DCUN1D3: variants seen among roughly 807,000 people sequenced by gnomAD.
The protein encoded by DCUN1D3 is defective in cullin neddylation 1 domain containing 3.
DCUN1D3 carries 6 observed loss-of-function variants against 24.8 expected under a neutral mutation model. That is an observed-to-expected ratio of 0.24 (90% CI 0.13 to 0.48). The LOEUF (loss-of-function observed/expected upper bound fraction) is 0.48. Among genes scored for constraint, DCUN1D3 ranks in the 20% least tolerant of loss-of-function variants. The pLI is 0.99. For synonymous variants in DCUN1D3, 120 were observed against 144.9 expected (o/e 0.83, Z 1.24); for missense variants, 258 against 379.4 (o/e 0.68, Z 2.66).
chr16:20,860,500 A>T lies in DCUN1D3; in HGVS notation c.432-131T>A, dbSNP rs1478730301. ...TGAATTCTAACTCCTCCAACTAATTAGTCCTATTTCCTTACTTGTCAAATG... is the reference window on the plus strand; with the variant it reads ...TGAATTCTAACTCCTCCAACTAATTTGTCCTATTTCCTTACTTGTCAAATG... On this transcript the variant is annotated intron_variant, in intron 2 of 2. Transcript: ENST00000324344. This position sits in a 1 kb window ranked among gnomAD's most constrained non-coding sequence, Gnocchi z 4.3. 4 of 961,928 alleles carry T rather than the reference A, an allele frequency of 4.2e-6. No homozygotes were observed. In the East Asian group the frequency reaches 7.9e-5, roughly 19 times the overall value. The allele number at this position is 961,928 out of a possible 1,614,324, so 59.6% of individuals were successfully genotyped here.
Position 20,862,280 on chromosome 16 carries a change from A to C in DCUN1D3, c.259T>G (p.Ser87Ala). Residue 87 changes from serine (S) to alanine (A), a missense_variant, in exon 2 of 3, where the codon TCC (serine) becomes GCC (alanine). Coordinates refer to ENST00000324344, the MANE Select transcript of DCUN1D3 (RefSeq NM_173475.4). The stretch of plus-strand genomic sequence containing the variant: ...AACAGTTCTTCCAATCTTTGCAAGG[A>C]AGACTCCTCGGCATTGGACTTGGAC... ...RESKSNAEES[S>A]LQRLEELFRR... is the part of the protein sequence containing the mutation. The C allele has an allele frequency of 6.2e-7, 1 of 1,614,174 alleles. No homozygotes were observed. Among genetic ancestry groups the C allele is most frequent in the South Asian group, 1.1e-5 (1 of 91,084 alleles).
chr16:20,861,423 A>T (rs2081731882), intron 2 of DCUN1D3, among the ~76,000 whole-genome samples: 1 of 148,346 alleles, frequency 6.7e-6, no homozygotes, highest in South Asian at 2.2e-4. Flanking sequence ...CACTTACCAT[A>T]TTGGTACTCA....
At chr16:20,897,688 C>T (rs2081922417) in intron 1 of DCUN1D3, among the ~76,000 whole-genome samples, 1 of 152,184 alleles carries the variant, frequency 6.6e-6, no homozygotes, top group Non-Finnish European at 1.5e-5. Flanking sequence ...ATTCAGAGAA[C>T]TTATTATGCA....
chr16:20,857,824 T>TAAAAA lies in DCUN1D3; in HGVS notation c.*2057_*2061dup, dbSNP rs35209919. The stretch of plus-strand genomic sequence containing the variant: ...AGGAGGAACTGTCAGGTTTAGGATT[T>TAAAAA]AAAAAAAAAAACAAATTCCAAGTAT... On this transcript the variant is annotated 3_prime_UTR_variant, in exon 3 of 3. Transcript: ENST00000324344. 1 of 147,430 alleles carries TAAAAA rather than the reference T, an allele frequency of 6.8e-6. No individual in the cohort carries two copies. The highest frequency in any genetic ancestry group is 1.5e-5 in the Non-Finnish European group (1 of 66,446). The allele number at this position is 147,430 out of a possible 1,614,324, so 9.1% of individuals were successfully genotyped here. A position where few individuals can be genotyped will look rare whatever the true frequency, so the allele number is the denominator to read the frequency against.
chr16:20,899,147 T>C (rs897300197), intron 1 of DCUN1D3, among the ~76,000 whole-genome samples: 5 of 151,880 alleles, frequency 3.3e-5, no homozygotes, highest in Admixed American at 1.3e-4. Context: ...TATTGTCCAA[T>C]TGTAGAAACA....
At chr16:20,888,608 C>T (rs2081877648) in intron 1 of DCUN1D3, among the ~76,000 whole-genome samples, 1 of 152,294 alleles carries the variant, frequency 6.6e-6, no homozygotes, top group Non-Finnish European at 1.5e-5. Context: ...GCGGGCACCA[C>T]CATGCCTGGC....
chr16:20,871,387 G>A (rs931696961), intron 1 of DCUN1D3, among the ~76,000 whole-genome samples: 2 of 152,086 alleles, frequency 1.3e-5, no homozygotes, highest in Non-Finnish European at 2.9e-5. Context: ...AAGGGGGTAG[G>A]GAGGACAGAG....
rs2081701615 is a variant in DCUN1D3 at position 20,856,091 on chromosome 16, CT to C, written c.*3794del. 1 of 152,236 alleles carries C rather than the reference CT, an allele frequency of 6.6e-6. No homozygotes were observed. Among genetic ancestry groups the C allele is most frequent in the African/African-American group, 2.4e-5 (1 of 41,452 alleles). 9.4% of individuals were successfully genotyped at this position (152,236 alleles called of 1,614,324 possible). On this transcript the variant is annotated 3_prime_UTR_variant, in exon 3 of 3. Coordinates refer to ENST00000324344, the MANE Select transcript of DCUN1D3 (RefSeq NM_173475.4). The stretch of plus-strand genomic sequence containing the variant: ...TAACCTTATAATTGCATAACTGAGT[CT>C]ACACCTTTTGGGCTTTGCTGCACTG...
At chr16:20,865,504 T>C (rs1174208956) in intron 1 of DCUN1D3, among the ~76,000 whole-genome samples, 1 of 152,230 alleles carries the variant, frequency 6.6e-6, no homozygotes, top group African/African-American at 2.4e-5. Flanking sequence ...ATGTACAATT[T>C]AGTATTTATA....
intron 1 of DCUN1D3, among the ~76,000 whole-genome samples, chr16:20,878,137 C>G (rs191813653): frequency 6.2e-4 from 95 of 152,262 alleles, no homozygotes; most frequent in Admixed American, 1.7e-3. Flanking sequence ...GGACTCCCCC[C>G]ATTCGAAGCA....
At chr16:20,895,065 C>G (rs1016552217) in intron 1 of DCUN1D3, among the ~76,000 whole-genome samples, 33 of 152,256 alleles carry the variant, frequency 2.2e-4, no homozygotes, top group African/African-American at 7.7e-4. Flanking sequence ...TAAAATACAG[C>G]ATAGCAACTA....
Position 20,862,338 on chromosome 16 carries a change from C to T in DCUN1D3, c.201G>A (p.Gln67=). 1.9e-6 allele frequency: 3 copies of T among 1,614,220 alleles called. No homozygotes were observed. The highest frequency in any genetic ancestry group is 2.2e-5 in the South Asian group (2 of 91,086). The change falls in exon 2 of 3, where the codon CAG becomes CAA. Residue 67 remains glutamine (Q), a synonymous_variant. Coordinates refer to ENST00000324344, the MANE Select transcript of DCUN1D3 (RefSeq NM_173475.4). ...CAGCATCTCCCGAGGACGTTGGCAG[C>T]TGGCAGGCCTCAGTGGCAGCCTCGG... ...KKAEAATEAC[Q]LPTSSGDAGR... is the part of the protein sequence containing the mutation.
Position 20,870,428 on chromosome 16 carries a change from G to T in DCUN1D3, c.-105-7785C>A, listed in dbSNP as rs767811737. ...ATCATCTTAGTTTGATCTCTGGAGGGTCAGTAACAGGTCCAGACATGGAAA... is the reference window on the plus strand; with the variant it reads ...ATCATCTTAGTTTGATCTCTGGAGGTTCAGTAACAGGTCCAGACATGGAAA... On this transcript the variant is annotated intron_variant, in intron 1 of 2. Transcript: ENST00000324344. Among the ~76,000 whole-genome samples the T allele has an allele frequency of 2.6e-5, 4 of 152,186 alleles. 1 individual carries two copies. The highest frequency in any genetic ancestry group is 6.3e-3 in the Middle Eastern group (2 of 316).
chr16:20,887,610 C>T (rs2081873381), intron 1 of DCUN1D3, among the ~76,000 whole-genome samples: 1 of 152,336 alleles, frequency 6.6e-6, no homozygotes, highest in Non-Finnish European at 1.5e-5. Flanking sequence ...CTACAGTAGA[C>T]TGTCTTGGTT....
At chr16:20,882,372 C>T (rs2081848608) in intron 1 of DCUN1D3, among the ~76,000 whole-genome samples, 1 of 151,926 alleles carries the variant, frequency 6.6e-6, no homozygotes, top group African/African-American at 2.4e-5. Context: ...CCTGCCTCAG[C>T]CTCCCGAGTA....
intron 1 of DCUN1D3, among the ~76,000 whole-genome samples, chr16:20,874,993 C>A (rs975557018): frequency 1.3e-5 from 2 of 152,130 alleles, no homozygotes; most frequent in Non-Finnish European, 2.9e-5. Flanking sequence ...TTCGTTCCTG[C>A]CCACTTCCCA....
chr16:20,881,759 C>G (rs922736212), intron 1 of DCUN1D3, among the ~76,000 whole-genome samples: 4 of 152,146 alleles, frequency 2.6e-5, no homozygotes, highest in African/African-American at 7.2e-5. Flanking sequence ...CACCAAACTG[C>G]TCCCCTAATT....
chr16:20,859,698 A>T lies in DCUN1D3; in HGVS notation c.*188T>A. On this transcript the variant is annotated 3_prime_UTR_variant, in exon 3 of 3. Coordinates refer to ENST00000324344, the MANE Select transcript of DCUN1D3 (RefSeq NM_173475.4). Reference sequence around the variant, plus strand: ...ATCCCCCCAAAAAGGAAATAACCAAAATAACCAAAAAAATGAAGAAAGTGC... The same window carrying T: ...ATCCCCCCAAAAAGGAAATAACCAATATAACCAAAAAAATGAAGAAAGTGC... 1.3e-6 allele frequency: 1 copy of T among 763,472 alleles called. No homozygotes were observed. Among genetic ancestry groups the T allele is most frequent in the Non-Finnish European group, 1.9e-6 (1 of 521,542 alleles). 47.3% of individuals were successfully genotyped at this position (763,472 alleles called of 1,614,324 possible).
intron 1 of DCUN1D3, among the ~76,000 whole-genome samples, chr16:20,884,119 CT>C (rs1206140981): frequency 6.6e-6 from 1 of 152,154 alleles, no homozygotes; most frequent in African/African-American, 2.4e-5. Context: ...ATCTTTCCTT[CT>C]GACTCTGTTA....
Sources: gnomAD v4.1 joint callset for allele counts (sites outside exome capture counted in the v4.1 genomes callset) on GRCh38, gnomAD v4.1.1 for gene constraint, Gnocchi (gnomAD v3.1) non-coding constraint, MANE v1.5 for transcripts, NCBI Gene and HGNC (gene_info 2026-07-23, HGNC 2026-07-21) for gene names.